The following PLCL1 variants were observed in gnomAD, a reference collection of about 807,000 sequenced individuals.
PLCL1 encodes phospholipase C like 1 (inactive).
In PLCL1, 41 loss-of-function variants were observed where a neutral mutation model predicts 84.4. The observed-to-expected ratio is 0.49, with a 90% CI of 0.38 to 0.63. The LOEUF is 0.63. Among genes scored for constraint, PLCL1 ranks in the 30% least tolerant of loss-of-function variants. The pLI, the probability that PLCL1 is intolerant of heterozygous loss-of-function variation, is 0.00. For synonymous variants in PLCL1, 490 were observed against 488.3 expected, an observed-to-expected ratio of 1.00 and a Z score of -0.05; for missense variants, 1,206 against 1,367.8, an observed-to-expected ratio of 0.88 and a Z score of 1.87.
At chr2:197,971,812 A>G (rs539579879) in intron 1 of PLCL1, among the ~76,000 whole-genome samples, 5 of 152,322 alleles carry the variant, frequency 3.3e-5, no homozygotes, top group African/African-American at 9.6e-5. Flanking sequence ...TCAGCAAATA[A>G]TCTGATCTAG....
intron 1 of PLCL1, among the ~76,000 whole-genome samples, chr2:198,076,045 T>C (rs1035755206): frequency 1.3e-5 from 2 of 152,240 alleles, no homozygotes; most frequent in Non-Finnish European, 2.9e-5. Flanking sequence ...ATCACTTTTA[T>C]TTAGATTGTC....
At chr2:197,991,687 G>T (rs1404450544) in intron 1 of PLCL1, among the ~76,000 whole-genome samples, 3 of 152,128 alleles carry the variant, frequency 2.0e-5, no homozygotes, top group Non-Finnish European at 4.4e-5. Context: ...TGAAGTTAAA[G>T]CTTCCCCTTT....
intron 1 of PLCL1, among the ~76,000 whole-genome samples, chr2:198,044,376 A>G (rs1691738451): frequency 6.6e-6 from 1 of 152,172 alleles, no homozygotes; most frequent in Non-Finnish European, 1.5e-5. Flanking sequence ...CTTTAATTAT[A>G]TGGCAGATGG....
intron 1 of PLCL1, among the ~76,000 whole-genome samples, chr2:197,965,207 G>A (rs1689703600): frequency 6.6e-6 from 1 of 152,108 alleles, no homozygotes; most frequent in Admixed American, 6.5e-5. Flanking sequence ...TTTGCTGGGA[G>A]ACTTTTTACT....
At chr2:197,858,446 G>A (rs940832551) in intron 1 of PLCL1, among the ~76,000 whole-genome samples, 4 of 152,006 alleles carry the variant, frequency 2.6e-5, no homozygotes, top group Non-Finnish European at 4.4e-5. Flanking sequence ...TTCCTCTATC[G>A]CGTTCTCCCT....
At position 198,147,737 on chromosome 2, in the gene PLCL1, C is replaced by T. The variant is rs897639000; in HGVS notation, c.*775C>T. The T allele has an allele frequency of 6.6e-6, 1 of 152,266 alleles. No homozygotes were observed. Among genetic ancestry groups the T allele is most frequent in the African/African-American group, 2.4e-5 (1 of 41,438 alleles). 9.4% of individuals were successfully genotyped at this position (152,266 alleles called of 1,614,324 possible). ...TACCTGTGTGGTACTCTGAAACACA[C>T]TGAAAGCTCTGTTGCAATTAGGATT... On this transcript the variant is annotated 3_prime_UTR_variant, in exon 6 of 6. Coordinates refer to ENST00000428675, the MANE Select transcript of PLCL1 (RefSeq NM_006226.4).
At chr2:198,048,583 G>A (rs1691859153) in intron 1 of PLCL1, among the ~76,000 whole-genome samples, 1 of 152,198 alleles carries the variant, frequency 6.6e-6, no homozygotes, top group Non-Finnish European at 1.5e-5. Flanking sequence ...GCATCACGTG[G>A]TGAGATAAGG....
chr2:197,966,249 G>T (rs555879484), intron 1 of PLCL1, among the ~76,000 whole-genome samples: 1 of 151,966 alleles, frequency 6.6e-6, no homozygotes, highest in Non-Finnish European at 1.5e-5. Context: ...TGGAAGAGAT[G>T]GTGCACATGA....
At chr2:197,909,764 T>A (rs1688449042) in intron 1 of PLCL1, among the ~76,000 whole-genome samples, 3 of 152,198 alleles carry the variant, frequency 2.0e-5, no homozygotes. Flanking sequence ...AAGTTTATGC[T>A]GTCTGCCCTT....
chr2:197,945,594 A>G (rs1171798228), intron 1 of PLCL1, among the ~76,000 whole-genome samples: 1 of 152,214 alleles, frequency 6.6e-6, no homozygotes, highest in East Asian at 1.9e-4. Flanking sequence ...CCGTGGTCCC[A>G]GATTGCTGCT....
chr2:198,047,338 C>G (rs1691830995), intron 1 of PLCL1, among the ~76,000 whole-genome samples: 1 of 152,110 alleles, frequency 6.6e-6, no homozygotes, highest in African/African-American at 2.4e-5. Flanking sequence ...TGCACGCCAC[C>G]AGGCCCAGCT....
chr2:197,925,733 ACTCCCTCCCTCC>A (rs368540941), intron 1 of PLCL1, among the ~76,000 whole-genome samples: 2 of 149,360 alleles, frequency 1.3e-5, no homozygotes, highest in Admixed American at 1.3e-4. Context: ...ACTCACTAAC[ACTCCCTCCCTCC>A]CTCCCTCCCT....
At chr2:197,901,507 T>C (rs1001864139) in intron 1 of PLCL1, among the ~76,000 whole-genome samples, 1 of 152,108 alleles carries the variant, frequency 6.6e-6, no homozygotes, top group African/African-American at 2.4e-5. Context: ...CAATATATCA[T>C]GAGCAGAGGC....
chr2:197,900,248 A>G, intron 1 of PLCL1, among the ~76,000 whole-genome samples: 1 of 152,248 alleles, frequency 6.6e-6, no homozygotes, highest in East Asian at 1.9e-4. Context: ...CTGAATAAAT[A>G]CATGCAAGAC....
intron 1 of PLCL1, among the ~76,000 whole-genome samples, chr2:198,035,289 T>A (rs1490010006): frequency 6.6e-6 from 1 of 152,214 alleles, no homozygotes; most frequent in Non-Finnish European, 1.5e-5. Context: ...GCTATGTAGA[T>A]CAATCTAATT....
chr2:197,978,394 G>A (rs1251297131), intron 1 of PLCL1, among the ~76,000 whole-genome samples: 6 of 152,198 alleles, frequency 3.9e-5, no homozygotes, highest in East Asian at 1.9e-4. Context: ...GGAGAATGGC[G>A]TGAACCCGGG....
chr2:197,811,154 T>C (rs1307454235), intron 1 of PLCL1, among the ~76,000 whole-genome samples: 1 of 152,236 alleles, frequency 6.6e-6, no homozygotes, highest in Non-Finnish European at 1.5e-5. Flanking sequence ...GTTCCTGTAA[T>C]AGGAAACAAT....
chr2:197,813,598 T>G (rs1458722512), intron 1 of PLCL1, among the ~76,000 whole-genome samples: 2 of 152,160 alleles, frequency 1.3e-5, no homozygotes, highest in Non-Finnish European at 2.9e-5. Flanking sequence ...GTTTTCCTAC[T>G]GAGCAATTTT....
At chr2:197,942,758 A>G (rs535404117) in intron 1 of PLCL1, among the ~76,000 whole-genome samples, 1 of 152,210 alleles carries the variant, frequency 6.6e-6, no homozygotes, top group Non-Finnish European at 1.5e-5. Flanking sequence ...TGATGTGTTC[A>G]TCACAGGTTC....
Sources: allele counts gnomAD v4.1 joint callset (sites outside exome capture counted in the v4.1 genomes callset), GRCh38; gene constraint gnomAD v4.1.1; transcripts MANE v1.5; gene names NCBI Gene and HGNC (gene_info 2026-07-23, HGNC 2026-07-21).